Variants in CSNK1E observed in about 807,000 individuals in gnomAD.
CSNK1E encodes casein kinase 1 epsilon, also known as casein kinase I isoform epsilon.
CSNK1E carries 17 observed loss-of-function variants against 46.1 expected under a neutral mutation model. The ratio of observed to expected loss-of-function variants is 0.37; its 90% CI spans 0.25 to 0.55. CSNK1E has a LOEUF of 0.55. CSNK1E is among the 20% of genes least tolerant of loss of function. The pLI, the probability that CSNK1E is intolerant of heterozygous loss-of-function variation, is 0.82. For synonymous variants in CSNK1E, 241 were observed against 242.6 expected (o/e 0.99, Z 0.06); for missense variants, 386 against 595.4 (o/e 0.65, Z 3.66).
intron 1 of CSNK1E, among the ~76,000 whole-genome samples, chr22:38,314,550 C>T (rs1284802230): frequency 1.3e-5 from 2 of 152,258 alleles, no homozygotes; most frequent in East Asian, 1.9e-4. Flanking sequence ...GGCCAGACCT[C>T]GCCAGTGCCC....
intron 4 of CSNK1E, among the ~76,000 whole-genome samples, chr22:38,301,592 C>G (rs572629083): frequency 5.8e-4 from 89 of 152,256 alleles, no homozygotes; most frequent in African/African-American, 2.1e-3. Context: ...GCCACCACAC[C>G]TGGCTAATTT....
chr22:38,303,069 G>A lies in CSNK1E; in HGVS notation c.188-60C>T. ...AGAGGCAGGCAGCCAGCCACGCCCG[G>A]CCCACCCTGTGCTCATGGCTGCCCA... On this transcript the variant is annotated intron_variant, in intron 3 of 10. Transcript: ENST00000396832. This position sits in a 1 kb window ranked among gnomAD's most constrained non-coding sequence, Gnocchi z 4.7. 3 of 1,600,900 alleles carry A rather than the reference G, an allele frequency of 1.9e-6. No homozygotes were observed. Among genetic ancestry groups the A allele is most frequent in the Non-Finnish European group, 2.6e-6 (3 of 1,173,696 alleles).
rs1262267815 is a variant in CSNK1E at position 38,303,517 on chromosome 22, TG to T, written c.77-270del. Among the ~76,000 whole-genome samples, 1 of 151,876 alleles carries T rather than the reference TG, an allele frequency of 6.6e-6. No individual in the cohort carries two copies. Among genetic ancestry groups the T allele is most frequent in the Admixed American group, 6.6e-5 (1 of 15,234 alleles). ...GGGCGACAAGAAGGCCCGATGTGAGTGGGGCAAGGGTCAGGTATGCAAAAGG... is the reference window on the plus strand; with the variant it reads ...GGGCGACAAGAAGGCCCGATGTGAGTGGGCAAGGGTCAGGTATGCAAAAGG... On this transcript the variant is annotated intron_variant, in intron 2 of 10. Transcript: ENST00000396832. The surrounding 1 kb of genome is among the most constrained non-coding windows in gnomAD (Gnocchi z 4.7).
Position 38,298,855 on chromosome 22 carries a change from G to A in CSNK1E, c.816C>T (p.Leu272=), listed in dbSNP as rs545185458. The A allele has an allele frequency of 1.9e-6, 3 of 1,614,204 alleles. No individual in the cohort carries two copies. The highest frequency in any genetic ancestry group is 1.6e-4 in the Middle Eastern group (1 of 6,062). ...DKPDYSYLRQ[L]FRNLFHRQGF... ...CCTGCCGGTGGAAGAGGTTGCGGAA[G>A]AGCTGACGTAGGTAAGAGTAGTCGG... Residue 272 remains leucine, a synonymous_variant, in exon 7 of 11, where the codon CTC becomes CTT. Transcript: ENST00000396832. The surrounding 1 kb of genome is among the most constrained non-coding windows in gnomAD (Gnocchi z 4.2).
At chr22:38,306,646 G>T (rs1476765645) in intron 2 of CSNK1E, among the ~76,000 whole-genome samples, 4 of 151,802 alleles carry the variant, frequency 2.6e-5, no homozygotes, top group Non-Finnish European at 5.9e-5. Context: ...CAGGAGAATT[G>T]CTTGAACCCA....
chr22:38,301,008 G>T, intron 4 of CSNK1E, 56 bp from the exon 5 acceptor site: 2 of 1,469,150 alleles, frequency 1.4e-6, no homozygotes, highest in Non-Finnish European at 1.9e-6. Context: ...AGCACTCTGG[G>T]CCAGGCAGGG....
intron 7 of CSNK1E, chr22:38,297,784 C>T: frequency 1.0e-6 from 1 of 1,000,618 alleles, no homozygotes. Context: ...ACCATGGCCT[C>T]CACTGTGCTG....
chr22:38,294,096 G>A lies in CSNK1E; in HGVS notation c.1218+13C>T, dbSNP rs1472356314. 3.1e-6 allele frequency: 5 copies of A among 1,606,994 alleles called. No homozygotes were observed. The highest frequency in any genetic ancestry group is 1.7e-5 in the Admixed American group (1 of 59,820). Reference sequence around the variant, plus strand: ...TTCTGAGGCCCAGAGGGACTGGCAGGGGGGCAGCTCACCTGTGAGGCTGGG... The same window carrying A: ...TTCTGAGGCCCAGAGGGACTGGCAGAGGGGCAGCTCACCTGTGAGGCTGGG... On this transcript the variant is annotated intron_variant, in intron 9 of 10. Transcript: ENST00000396832. The surrounding 1 kb of genome is among the most constrained non-coding windows in gnomAD (Gnocchi z 5.5).
At chr22:38,296,149 G>A (rs1360294794) in intron 7 of CSNK1E, 1 of 992,180 alleles carries the variant, frequency 1.0e-6, no homozygotes, top group African/African-American at 1.7e-5. Flanking sequence ...GAGGCAAGAA[G>A]TGGGCGACTC....
chr22:38,301,738 T>G (rs2145837290), intron 4 of CSNK1E, among the ~76,000 whole-genome samples: 1 of 152,266 alleles, frequency 6.6e-6, no homozygotes, highest in South Asian at 2.1e-4. Flanking sequence ...CAGTCGAGTT[T>G]TTAAAACTCA....
In CSNK1E at chr22:38,309,359, T is replaced by C. The variant is rs2092711519; in HGVS notation, c.76+4723A>G. On this transcript the variant is annotated intron_variant, in intron 2 of 10. Transcript: ENST00000396832. The surrounding 1 kb of genome is among the most constrained non-coding windows in gnomAD (Gnocchi z 4.8). ...CTGCAGCACTTGGTGATTCGGCAGA[T>C]GTGTGCAGGGAGGAGAGGTGCTGGG... Among the ~76,000 whole-genome samples, 1 of 152,130 alleles carries C rather than the reference T, an allele frequency of 6.6e-6. No homozygotes were observed. Among genetic ancestry groups the C allele is most frequent in the African/African-American group, 2.4e-5 (1 of 41,440 alleles).
intron 2 of CSNK1E, among the ~76,000 whole-genome samples, chr22:38,304,515 G>T (rs915339392): frequency 6.6e-6 from 1 of 152,146 alleles, no homozygotes; most frequent in Non-Finnish European, 1.5e-5. Flanking sequence ...TCAGAAACAC[G>T]TGTGCACCAG....
chr22:38,294,962 G>A lies in CSNK1E; in HGVS notation c.886-428C>T, dbSNP rs1343833872. 6.6e-6 allele frequency among the ~76,000 whole-genome samples: 1 copy of A among 152,214 alleles called. No individual in the cohort carries two copies. The highest frequency in any genetic ancestry group is 1.5e-5 in the Non-Finnish European group (1 of 68,034). ...GCTGTTTAGAGGCCTCTAGCAGACT[G>A]GCTAGGGGTGTCCAGAGGGGGAAAA... On this transcript the variant is annotated intron_variant, in intron 7 of 10. Transcript: ENST00000396832. This position sits in a 1 kb window ranked among gnomAD's most constrained non-coding sequence, Gnocchi z 5.5.
Position 38,300,497 on chromosome 22 carries a change from C to T in CSNK1E, c.565+227G>A, listed in dbSNP as rs2092665144. On this transcript the variant is annotated intron_variant, in intron 5 of 10. Transcript: ENST00000396832. This position sits in a 1 kb window ranked among gnomAD's most constrained non-coding sequence, Gnocchi z 4.4. ...TGCACCAACAGGGCGGAGGAGGAAG[C>T]AGGGCCAGGGAAGGCGCCCGGCACA... 6.6e-6 allele frequency among the ~76,000 whole-genome samples: 1 copy of T among 152,236 alleles called. No homozygotes were observed. Among genetic ancestry groups the T allele is most frequent in the Non-Finnish European group, 1.5e-5 (1 of 68,048 alleles).
At chr22:38,296,476 A>G in intron 7 of CSNK1E, 1 of 1,553,816 alleles carries the variant, frequency 6.4e-7, no homozygotes, top group Admixed American at 1.9e-5. Context: ...CTCAGGGTGA[A>G]GGTTCCCATT....
rs1180252350 is a variant in CSNK1E, at chr22:38,300,686, G to A, written c.565+38C>T. ...CCAGAGAGCTGGGCCCCAGCCAGTGGCCCCGGGTGCACACTGCTCCAGGCC... is the reference window on the plus strand; with the variant it reads ...CCAGAGAGCTGGGCCCCAGCCAGTGACCCCGGGTGCACACTGCTCCAGGCC... On this transcript the variant is annotated intron_variant, in intron 5 of 10. Coordinates refer to ENST00000396832, the MANE Select transcript of CSNK1E (RefSeq NM_152221.3). The surrounding 1 kb of genome is among the most constrained non-coding windows in gnomAD (Gnocchi z 4.4). 6.3e-7 allele frequency: 1 copy of A among 1,590,896 alleles called. No individual in the cohort carries two copies. Among genetic ancestry groups the A allele is most frequent in the Non-Finnish European group, 8.6e-7 (1 of 1,160,650 alleles).
intron 4 of CSNK1E, among the ~76,000 whole-genome samples, chr22:38,302,262 T>C (rs913327343): frequency 6.6e-5 from 10 of 152,204 alleles, no homozygotes; most frequent in Non-Finnish European, 1.3e-4. Context: ...AATTCCCATC[T>C]TGGGAGGCCA....
At chr22:38,311,516 G>A (rs1275301517) in intron 2 of CSNK1E, among the ~76,000 whole-genome samples, 1 of 152,156 alleles carries the variant, frequency 6.6e-6, no homozygotes, top group African/African-American at 2.4e-5. Flanking sequence ...GACGGGACCT[G>A]GGATGGGCGC....
intron 1 of CSNK1E, among the ~76,000 whole-genome samples, chr22:38,314,530 C>T (rs1260568852): frequency 6.6e-6 from 1 of 152,188 alleles, no homozygotes; most frequent in African/African-American, 2.4e-5. Context: ...AAGTACTGCC[C>T]CTGCCCAGAG....
Sources: allele counts gnomAD v4.1 joint callset (sites outside exome capture counted in the v4.1 genomes callset), GRCh38; gene constraint gnomAD v4.1.1; non-coding constraint Gnocchi (gnomAD v3.1); transcripts MANE v1.5; gene names NCBI Gene and HGNC (gene_info 2026-07-23, HGNC 2026-07-21).